Variants in AOX1 observed in about 807,000 individuals in gnomAD.
The protein encoded by AOX1 is aldehyde oxidase.
Under a neutral mutation model 169.5 loss-of-function variants are expected in AOX1, and 153 were observed. That is an observed-to-expected ratio of 0.90 (90% CI 0.79 to 1.03). AOX1 has a LOEUF of 1.03. Ranked by LOEUF, AOX1 falls within the 50% of genes least tolerant of loss-of-function variation. The pLI is 0.00. For synonymous variants in AOX1, 562 were observed against 581.9 expected (o/e 0.97, Z 0.49); for missense variants, 1,656 against 1,663.9 (o/e 1.00, Z 0.08).
chr2:200,627,522 C>A, intron 20 of AOX1, 73 bp downstream of exon 20: 1 of 1,129,580 alleles, frequency 8.9e-7, no homozygotes, highest in Non-Finnish European at 1.3e-6. Flanking sequence ...CCTTTGTCTT[C>A]TGGAAATCAT....
chr2:200,649,813 A>G (rs921481034), intron 25 of AOX1, among the ~76,000 whole-genome samples: 1 of 152,162 alleles, frequency 6.6e-6, no homozygotes, highest in Non-Finnish European at 1.5e-5. Context: ...GGAAGAGAAG[A>G]AGGACCAGGA....
At chr2:200,613,361 A>G (rs1392101775) in intron 14 of AOX1, among the ~76,000 whole-genome samples, 1 of 152,150 alleles carries the variant, frequency 6.6e-6, no homozygotes, top group African/African-American at 2.4e-5. Context: ...TTACTTAATT[A>G]TATTGGTACT....
intron 20 of AOX1, among the ~76,000 whole-genome samples, chr2:200,629,614 G>A (rs2105733245): frequency 6.6e-6 from 1 of 152,234 alleles, no homozygotes; most frequent in South Asian, 2.1e-4. Context: ...TAATTCTTAG[G>A]GCTAGTAAAA....
intron 4 of AOX1, among the ~76,000 whole-genome samples, chr2:200,676,614 A>AAGAAG (rs1285776348): frequency 7.3e-4 from 108 of 148,530 alleles, no homozygotes; most frequent in Admixed American, 1.5e-3. Context: ...AAAAAAAAAA[A>AAGAAG]AAGAAGAAGA....
At chr2:200,619,126 A>G (rs2034829600) in intron 16 of AOX1, among the ~76,000 whole-genome samples, 1 of 152,230 alleles carries the variant, frequency 6.6e-6, no homozygotes, top group East Asian at 1.9e-4. Context: ...CAGATGCCTT[A>G]AAGGATGCTA....
chr2:200,586,490 T>G (rs1458665223), intron 1 of AOX1, among the ~76,000 whole-genome samples: 2 of 152,252 alleles, frequency 1.3e-5, no homozygotes, highest in East Asian at 3.9e-4. Context: ...GGGTCAGCAC[T>G]CCCAGATCTT....
intron 5 of AOX1, 124 bp downstream of exon 5, chr2:200,599,870 C>G (rs2034372747): frequency 2.9e-6 from 2 of 689,452 alleles, no homozygotes; most frequent in African/African-American, 1.9e-5. Context: ...ACTGTAACCT[C>G]CGCCTCCCAG....
At chr2:200,656,282 G>C (rs1235252044) in intron 26 of AOX1, among the ~76,000 whole-genome samples, 1 of 150,412 alleles carries the variant, frequency 6.6e-6, no homozygotes, top group Non-Finnish European at 1.5e-5. Context: ...AGCACAGGCA[G>C]ATACGCAAGA....
intron 21 of AOX1, among the ~76,000 whole-genome samples, chr2:200,636,693 C>T (rs2035240470): frequency 6.6e-6 from 1 of 152,100 alleles, no homozygotes; most frequent in Non-Finnish European, 1.5e-5. Context: ...GGGCTGTGGG[C>T]CAGGGTTGTT....
At chr2:200,603,505 A>G (rs2034455421) in intron 7 of AOX1, 149 bp downstream of exon 7, 1 of 580,524 alleles carries the variant, frequency 1.7e-6, no homozygotes, top group African/African-American at 1.9e-5. Flanking sequence ...TCTCTCTATA[A>G]AAAAAAATTA....
At position 200,620,733 on chromosome 2, in the gene AOX1, G is replaced by A. The variant is rs750089373; in HGVS notation, c.1788G>A (p.Glu596=). 3.2e-5 allele frequency: 51 copies of A among 1,606,054 alleles called. No homozygotes were observed. Among genetic ancestry groups the A allele is most frequent in the Non-Finnish European group, 4.2e-5 (49 of 1,177,448 alleles). The change falls in exon 17 of 35, where the codon GAG becomes GAA. Residue 596 remains glutamate (E), a synonymous_variant. Coordinates refer to ENST00000374700, the MANE Select transcript of AOX1 (RefSeq NM_001159.4). ...HLSGVKHATG[E]AIYCDDMPLV... ...CTGGTGTGAAGCATGCCACGGGGGA[G>A]GCCATCTACTGTGATGACATGCCTC...
intron 4 of AOX1, among the ~76,000 whole-genome samples, chr2:200,599,037 C>T (rs891133361): frequency 6.6e-6 from 1 of 152,106 alleles, no homozygotes; most frequent in Non-Finnish European, 1.5e-5. Context: ...TTCATTGATG[C>T]GGAACTCCCA....
In AOX1 at chr2:200,646,028, T is replaced by A. The variant is rs550764066; in HGVS notation, c.2847+3227T>A. ...TTCAAAGAACCAGCTTTTTGTTTCA[T>A]TTATCTTTTGTACTTTTTTTCCAGT... On this transcript the variant is annotated intron_variant, in intron 25 of 34. Coordinates refer to ENST00000374700, the MANE Select transcript of AOX1 (RefSeq NM_001159.4). 2.0e-5 allele frequency among the ~76,000 whole-genome samples: 3 copies of A among 152,288 alleles called. No homozygotes were observed. The South Asian group carries it at 6.2e-4, about 32-fold the overall frequency.
intron 12 of AOX1, among the ~76,000 whole-genome samples, chr2:200,610,877 G>T (rs2034623265): frequency 6.6e-6 from 1 of 151,988 alleles, no homozygotes; most frequent in Non-Finnish European, 1.5e-5. Flanking sequence ...TTTTTTAGAT[G>T]GAGTCTCACT....
intron 1 of AOX1, among the ~76,000 whole-genome samples, chr2:200,590,007 C>A (rs1339788197): frequency 1.3e-5 from 2 of 152,122 alleles, no homozygotes; most frequent in Non-Finnish European, 2.9e-5. Context: ...CATGGCTGTT[C>A]CCTGAGGCTT....
chr2:200,681,243 C>T (rs2036150302), downstream of AOX1: 2 of 152,448 alleles, frequency 1.3e-5, no homozygotes, highest in African/African-American at 4.8e-5. Context: ...GCACTTCCAG[C>T]TGCTACCTGA....
At chr2:200,677,208 GGAGGA>G (rs1480989299), downstream of AOX1, 2 of 227,226 alleles carry the variant, frequency 8.8e-6, no homozygotes, top group Non-Finnish European at 1.8e-5. Flanking sequence ...TTAGGGAAGG[GGAGGA>G]GAGAAGGAGG....
chr2:200,599,452 A>C (rs202113881), intron 4 of AOX1, among the ~76,000 whole-genome samples, 168 bp from the exon 5 acceptor site: 1 of 152,222 alleles, frequency 6.6e-6, no homozygotes, highest in East Asian at 1.9e-4. Flanking sequence ...ACAACAACCC[A>C]GCCCTGGGGA....
In AOX1 at chr2:200,605,467, T is replaced by C; in HGVS notation, c.815-69T>C. The C allele has an allele frequency of 4.4e-6, 3 of 678,952 alleles. No homozygotes were observed. In the East Asian group the frequency reaches 8.7e-5, roughly 20 times the overall value. 42.1% of individuals were successfully genotyped at this position (678,952 alleles called of 1,614,324 possible). ...TAAAGATATTAGTTTAATAATAATT[T>C]CAAATTTAAAAGGCAGTTAGTTCCT... On this transcript the variant is annotated intron_variant, in intron 9 of 34. Transcript: ENST00000374700.
Sources: gnomAD v4.1 joint callset for allele counts (sites outside exome capture counted in the v4.1 genomes callset) on GRCh38, gnomAD v4.1.1 for gene constraint, MANE v1.5 for transcripts, NCBI Gene and HGNC (gene_info 2026-07-23, HGNC 2026-07-21) for gene names.